The following CDH12 variants were observed in gnomAD, a reference collection of about 807,000 sequenced individuals.
CDH12 encodes cadherin 12, also known as cadherin-12.
A neutral mutation model predicts 74.1 loss-of-function variants in CDH12; 41 were observed. The ratio of observed to expected loss-of-function variants is 0.55; its 90% CI spans 0.43 to 0.72. The LOEUF (loss-of-function observed/expected upper bound fraction) is 0.72, where lower values mean the gene tolerates loss of function less well. Among genes scored for constraint, CDH12 ranks in the 30% least tolerant of loss-of-function variants. The pLI is 0.00. For missense variants in CDH12, 945 were observed against 977.2 expected (o/e 0.97, Z 0.44); for synonymous variants, 399 against 355.0 (o/e 1.12, Z -1.39).
chr5:22,629,458 T>A (rs74463489), intron 1 of CDH12, among the ~76,000 whole-genome samples: 5,618 of 152,154 alleles, frequency 0.037, 324 homozygotes, highest in African/African-American at 0.12. Flanking sequence ...TTTTTCAACA[T>A]ATTCAAATCT....
intron 11 of CDH12, among the ~76,000 whole-genome samples, chr5:21,781,688 C>A (rs1318541750): frequency 2.0e-5 from 3 of 150,596 alleles, no homozygotes; most frequent in Admixed American, 2.0e-4. Flanking sequence ...TGCACCACTG[C>A]ACTCCAGTCT....
intron 4 of CDH12, among the ~76,000 whole-genome samples, chr5:22,134,188 A>C (rs1220427827): frequency 6.6e-6 from 1 of 152,104 alleles, no homozygotes; most frequent in African/African-American, 2.4e-5. Context: ...TGGTAGATGA[A>C]GAGTTCTACC....
intron 1 of CDH12, among the ~76,000 whole-genome samples, chr5:22,510,097 C>A (rs553409735): frequency 3.3e-5 from 5 of 151,808 alleles, no homozygotes; most frequent in Non-Finnish European, 7.4e-5. Flanking sequence ...TTCTTAAGAA[C>A]TAATAATAAT....
At chr5:22,472,771 AT>A (rs1256966396) in intron 2 of CDH12, among the ~76,000 whole-genome samples, 1 of 152,148 alleles carries the variant, frequency 6.6e-6, no homozygotes, top group Non-Finnish European at 1.5e-5. Flanking sequence ...GGTTTATGGT[AT>A]CTTGAACTGC....
intron 3 of CDH12, among the ~76,000 whole-genome samples, chr5:22,346,208 TA>T (rs1207332734): frequency 1.3e-5 from 2 of 152,078 alleles, no homozygotes; most frequent in Non-Finnish European, 2.9e-5. Flanking sequence ...TGAATTCTTA[TA>T]AATAAAAAGG....
intron 4 of CDH12, among the ~76,000 whole-genome samples, chr5:22,098,392 A>C (rs1358218897): frequency 6.6e-6 from 1 of 152,180 alleles, no homozygotes; most frequent in Non-Finnish European, 1.5e-5. Context: ...TAGTGTGGTC[A>C]GAATTCTTAC....
At chr5:22,589,097 A>AT (rs1204377711) in intron 1 of CDH12, among the ~76,000 whole-genome samples, 4 of 152,106 alleles carry the variant, frequency 2.6e-5, no homozygotes, top group Non-Finnish European at 5.9e-5. Context: ...TGTTCCCAAT[A>AT]TGGGCTTGGC....
chr5:22,773,328 A>G (rs1746912932), intron 1 of CDH12, among the ~76,000 whole-genome samples: 1 of 152,112 alleles, frequency 6.6e-6, no homozygotes, highest in East Asian at 1.9e-4. Flanking sequence ...GGAACAGAAT[A>G]GACTGCCCAA....
At chr5:21,967,464 T>C (rs144975212) in intron 6 of CDH12, among the ~76,000 whole-genome samples, 275 of 152,296 alleles carry the variant, frequency 1.8e-3, no homozygotes, top group African/African-American at 6.4e-3. Context: ...GAAGGAGTAA[T>C]ACTTTGCAAA....
chr5:22,007,075 A>G (rs1422874477), intron 5 of CDH12, among the ~76,000 whole-genome samples: 1 of 152,182 alleles, frequency 6.6e-6, no homozygotes, highest in Non-Finnish European at 1.5e-5. Flanking sequence ...GTTGCATTCA[A>G]GTCACTAAAT....
At chr5:22,195,863 T>C (rs1230117413) in intron 4 of CDH12, among the ~76,000 whole-genome samples, 1 of 152,162 alleles carries the variant, frequency 6.6e-6, no homozygotes, top group Non-Finnish European at 1.5e-5. Flanking sequence ...AACTCTTTTT[T>C]CCTAGGTGGC....
chr5:22,114,575 C>A (rs373113776), intron 4 of CDH12, among the ~76,000 whole-genome samples: 2 of 152,098 alleles, frequency 1.3e-5, no homozygotes, highest in African/African-American at 4.8e-5. Flanking sequence ...TATTTTGTAA[C>A]AACTGTTATC....
intron 3 of CDH12, among the ~76,000 whole-genome samples, chr5:22,245,847 T>C (rs1290578000): frequency 1.3e-5 from 2 of 152,056 alleles, no homozygotes; most frequent in Non-Finnish European, 2.9e-5. Flanking sequence ...ACCAGAGAAA[T>C]TGCCCAGCTT....
intron 1 of CDH12, among the ~76,000 whole-genome samples, chr5:22,666,003 C>T (rs1036296602): frequency 1.3e-5 from 2 of 152,142 alleles, no homozygotes; most frequent in Non-Finnish European, 2.9e-5. Flanking sequence ...CTTTCTGCCT[C>T]ATATATCCAA....
chr5:22,134,329 A>G (rs1286431164), intron 4 of CDH12, among the ~76,000 whole-genome samples: 1 of 152,106 alleles, frequency 6.6e-6, no homozygotes, highest in Non-Finnish European at 1.5e-5. Flanking sequence ...CTTAATAGTC[A>G]GTGATATGGA....
At chr5:22,792,659 T>C (rs536220706) in intron 1 of CDH12, among the ~76,000 whole-genome samples, 2 of 152,230 alleles carry the variant, frequency 1.3e-5, no homozygotes, top group East Asian at 3.9e-4. Context: ...TTGGGTAAAG[T>C]CTGGCTTTGT....
At chr5:22,648,136 CA>C (rs1393499661) in intron 1 of CDH12, among the ~76,000 whole-genome samples, 1 of 151,738 alleles carries the variant, frequency 6.6e-6, no homozygotes, top group African/African-American at 2.4e-5. Flanking sequence ...TAAATTTTGA[CA>C]AAGGCTGATG....
intron 3 of CDH12, among the ~76,000 whole-genome samples, chr5:22,375,511 T>C (rs554279199): frequency 6.6e-6 from 1 of 151,988 alleles, no homozygotes; most frequent in African/African-American, 2.4e-5. Flanking sequence ...AGAGACAACC[T>C]GTTAAAAGGG....
intron 1 of CDH12, among the ~76,000 whole-genome samples, chr5:22,683,443 A>G (rs896781613): frequency 5.9e-5 from 9 of 152,196 alleles, no homozygotes; most frequent in African/African-American, 2.2e-4. Flanking sequence ...AAAGAGTAGC[A>G]ATAAAAGGAA....
Sources: allele counts gnomAD v4.1 joint callset (sites outside exome capture counted in the v4.1 genomes callset), GRCh38; gene constraint gnomAD v4.1.1; transcripts MANE v1.5; gene names NCBI Gene and HGNC (gene_info 2026-07-23, HGNC 2026-07-21).